Variants in PTPRN2 observed in about 807,000 individuals in gnomAD.
PTPRN2 encodes receptor-type tyrosine-protein phosphatase N2.
PTPRN2 carries 74 observed loss-of-function variants against 118.8 expected under a neutral mutation model. The ratio of observed to expected loss-of-function variants is 0.62; its 90% CI spans 0.52 to 0.76. The LOEUF is 0.76. PTPRN2 is among the 30% of genes least tolerant of loss of function. PTPRN2 has a pLI of 0.00. For missense variants in PTPRN2, 1,481 were observed against 1,394.4 expected (o/e 1.06, Z -0.99); for synonymous variants, 641 against 608.0 (o/e 1.05, Z -0.80).
intron 5 of PTPRN2, among the ~76,000 whole-genome samples, chr7:158,185,254 T>C (rs1825042978): frequency 1.3e-5 from 2 of 152,248 alleles, no homozygotes; most frequent in African/African-American, 4.8e-5. Context: ...TTGAGACTTA[T>C]TTTATGGCCC....
chr7:157,643,974 T>C (rs914745981), intron 14 of PTPRN2, among the ~76,000 whole-genome samples: 6 of 152,222 alleles, frequency 3.9e-5, no homozygotes, highest in Non-Finnish European at 7.3e-5. Flanking sequence ...CCCGTGGGAC[T>C]GTGGCTGGAA....
chr7:158,149,396 C>G (rs970524236), intron 6 of PTPRN2, among the ~76,000 whole-genome samples: 1 of 151,430 alleles, frequency 6.6e-6, no homozygotes, highest in South Asian at 2.1e-4. Context: ...TCAGTATAAA[C>G]TCTTAAAACA....
At chr7:158,083,042 C>T (rs1044831254) in intron 10 of PTPRN2, among the ~76,000 whole-genome samples, 1 of 152,208 alleles carries the variant, frequency 6.6e-6, no homozygotes, top group South Asian at 2.1e-4. Flanking sequence ...CTGAGTTCTA[C>T]CCCCTCTCAA....
intron 2 of PTPRN2, among the ~76,000 whole-genome samples, chr7:158,414,731 G>C (rs570626975): frequency 2.0e-5 from 3 of 152,306 alleles, no homozygotes; most frequent in Admixed American, 1.3e-4. Flanking sequence ...CTCATTCTTC[G>C]AGGCTCCACT....
intron 12 of PTPRN2, among the ~76,000 whole-genome samples, chr7:157,686,557 G>T (rs1053843730): frequency 1.3e-5 from 2 of 152,188 alleles, no homozygotes; most frequent in South Asian, 4.1e-4. Flanking sequence ...CATGGGCACC[G>T]ACCCCCCAAG....
In PTPRN2 at chr7:157,671,840, G is replaced by A. The variant is rs1179421954; in HGVS notation, c.2001+10885C>T. On this transcript the variant is annotated intron_variant, in intron 13 of 22. Transcript: ENST00000389418. The surrounding 1 kb of genome is among the most constrained non-coding windows in gnomAD (Gnocchi z 4.1). ...ACCAGACCCCCGAAGGCCAGGGTCT[G>A]GGGGCCTGCTGGGAATCCCGGTCTC... is the stretch of plus-strand genomic sequence containing the variant. Among the ~76,000 whole-genome samples, 1 of 152,142 alleles carries A rather than the reference G, an allele frequency of 6.6e-6. No individual in the cohort carries two copies. The highest frequency in any genetic ancestry group is 2.4e-5 in the African/African-American group (1 of 41,420).
At position 158,337,316 on chromosome 7, in the gene PTPRN2, T is replaced by G. The variant is rs4909187; in HGVS notation, c.164-20384A>C. On this transcript the variant is annotated intron_variant, in intron 2 of 22. Coordinates refer to ENST00000389418, the MANE Select transcript of PTPRN2 (RefSeq NM_002847.5). ...TAAGAGCTGTCACGCACAGACATCA[T>G]TCACACCCACACTGTCACCCTAAGA... Among the ~76,000 whole-genome samples, 1,200 of 137,826 alleles carry G rather than the reference T, an allele frequency of 8.7e-3. 2 individuals are homozygous for G. The highest frequency in any genetic ancestry group is 0.032 in the African/African-American group (1,115 of 34,634). 90.4% of individuals were successfully genotyped at this position (137,826 alleles called of 152,430 possible).
intron 8 of PTPRN2, among the ~76,000 whole-genome samples, chr7:158,134,566 A>G (rs1320674914): frequency 6.6e-6 from 1 of 152,130 alleles, no homozygotes; most frequent in East Asian, 1.9e-4. Flanking sequence ...TGGGTGGGGC[A>G]CCCTCAGTAA....
At chr7:158,347,355 C>G (rs1013920158) in intron 2 of PTPRN2, among the ~76,000 whole-genome samples, 2 of 152,128 alleles carry the variant, frequency 1.3e-5, no homozygotes, top group East Asian at 1.9e-4. Flanking sequence ...AGACACTGTC[C>G]TTTTCCCATT....
chr7:158,071,589 G>T, intron 11 of PTPRN2, among the ~76,000 whole-genome samples: 1 of 106,716 alleles, frequency 9.4e-6, no homozygotes, highest in African/African-American at 3.7e-5. Flanking sequence ...GCTCCTGGTG[G>T]AGGTGCTCCT....
intron 9 of PTPRN2, 145 bp from the exon 10 acceptor site, chr7:158,111,060 C>A (rs1816219111): frequency 3.0e-6 from 2 of 674,746 alleles, no homozygotes; most frequent in African/African-American, 1.8e-5. Context: ...CCCTCAGGCA[C>A]AAGGAGTCAC....
chr7:158,244,645 ATTG>A (rs1796085125), intron 3 of PTPRN2, among the ~76,000 whole-genome samples: 1 of 145,258 alleles, frequency 6.9e-6, no homozygotes, highest in African/African-American at 2.6e-5. Context: ...CTGACTTGTG[ATTG>A]TTTTGTGTGT....
At position 157,615,633 on chromosome 7, in the gene PTPRN2, G is replaced by C. The variant is rs544125511; in HGVS notation, c.2344+5729C>G. 2 of 469,640 alleles carry C rather than the reference G, an allele frequency of 4.3e-6. No individual in the cohort carries two copies. The highest frequency in any genetic ancestry group is 3.1e-5 in the South Asian group (2 of 64,546). 29.1% of individuals were successfully genotyped at this position (469,640 alleles called of 1,614,324 possible). A position where few individuals can be genotyped will look rare whatever the true frequency, so the allele number is the denominator to read the frequency against. Reference sequence around the variant, plus strand: ...AGGATTGGCTCAGCACTGGTCCTGCGGAATGTGTTTTTATCAATGACTTGA... The same window carrying C: ...AGGATTGGCTCAGCACTGGTCCTGCCGAATGTGTTTTTATCAATGACTTGA... On this transcript the variant is annotated intron_variant, in intron 15 of 22. Transcript: ENST00000389418. This position sits in a 1 kb window ranked among gnomAD's most constrained non-coding sequence, Gnocchi z 4.3.
chr7:158,222,491 C>T (rs550828946), intron 3 of PTPRN2, among the ~76,000 whole-genome samples: 4 of 152,284 alleles, frequency 2.6e-5, no homozygotes, highest in South Asian at 2.1e-4. Flanking sequence ...CCAAATACTG[C>T]GTGTTCTCAC....
chr7:158,068,749 A>G (rs1359211748), intron 11 of PTPRN2, among the ~76,000 whole-genome samples: 1 of 152,222 alleles, frequency 6.6e-6, no homozygotes, highest in Admixed American at 6.5e-5. Flanking sequence ...TGTGAAGCTG[A>G]TGGGATTTTC....
intron 2 of PTPRN2, among the ~76,000 whole-genome samples, chr7:158,317,962 A>G (rs1802479365): frequency 6.6e-6 from 1 of 152,202 alleles, no homozygotes; most frequent in East Asian, 1.9e-4. Context: ...TGCAAAGCCC[A>G]GGGAATCCGG....
chr7:157,774,547 T>A (rs1803076535), intron 12 of PTPRN2, among the ~76,000 whole-genome samples: 1 of 152,242 alleles, frequency 6.6e-6, no homozygotes, highest in African/African-American at 2.4e-5. Flanking sequence ...ACGCAGTTCA[T>A]AATCTAGGTT....
intron 1 of PTPRN2, among the ~76,000 whole-genome samples, chr7:158,538,693 T>C (rs73510533): frequency 0.011 from 1,717 of 152,188 alleles, 30 homozygotes; most frequent in African/African-American, 0.034. Flanking sequence ...TGCACTGCAC[T>C]ACGGACACCC....
chr7:157,702,260 C>T (rs937656270), intron 12 of PTPRN2, among the ~76,000 whole-genome samples: 6 of 149,520 alleles, frequency 4.0e-5, no homozygotes, highest in East Asian at 2.0e-4. Context: ...GTGTAACTGA[C>T]GTGGGCTGTG....
Sources: allele counts gnomAD v4.1 joint callset (sites outside exome capture counted in the v4.1 genomes callset), GRCh38; gene constraint gnomAD v4.1.1; non-coding constraint Gnocchi (gnomAD v3.1); transcripts MANE v1.5; gene names NCBI Gene and HGNC (gene_info 2026-07-23, HGNC 2026-07-21).